DAAM1: variants seen among roughly 807,000 people sequenced by gnomAD.
The protein encoded by DAAM1 is disheveled-associated activator of morphogenesis 1.
In DAAM1, 52 loss-of-function variants were observed where a neutral mutation model predicts 130.0. The ratio of observed to expected loss-of-function variants is 0.40; its 90% confidence interval spans 0.32 to 0.50. The LOEUF (loss-of-function observed/expected upper bound fraction) is 0.50. Ranked by LOEUF, DAAM1 falls within the 20% of genes least tolerant of loss-of-function variation. The pLI is 0.61. For missense variants in DAAM1, 1,134 were observed against 1,303.8 expected (o/e 0.87, Z 2.01); for synonymous variants, 452 against 444.5 (o/e 1.02, Z -0.21).
intron 3 of DAAM1, among the ~76,000 whole-genome samples, chr14:59,312,892 A>G (rs964841879): frequency 1.3e-5 from 2 of 152,236 alleles, no homozygotes; most frequent in African/African-American, 2.4e-5. Context: ...GGAGCAAAGT[A>G]TATACAATCT....
At chr14:59,365,105 C>T (rs575127725) in intron 23 of DAAM1, among the ~76,000 whole-genome samples, 4 of 152,332 alleles carry the variant, frequency 2.6e-5, no homozygotes, top group Admixed American at 1.3e-4. Flanking sequence ...CAGCATCGCG[C>T]TTCTCTGATG....
chr14:59,291,983 C>T (rs949014963), intron 3 of DAAM1, among the ~76,000 whole-genome samples: 1 of 152,162 alleles, frequency 6.6e-6, no homozygotes, highest in African/African-American at 2.4e-5. Context: ...CACCAAAGCT[C>T]TTCTTATTCC....
intron 1 of DAAM1, among the ~76,000 whole-genome samples, chr14:59,210,996 T>C (rs1182105745): frequency 6.6e-6 from 1 of 152,246 alleles, no homozygotes; most frequent in Non-Finnish European, 1.5e-5. Flanking sequence ...CAGCATTGCC[T>C]GTACAGCACC....
chr14:59,292,977 A>G (rs1407182536), intron 3 of DAAM1, among the ~76,000 whole-genome samples: 3 of 152,240 alleles, frequency 2.0e-5, no homozygotes, highest in African/African-American at 4.8e-5. Context: ...ATGGAATAAA[A>G]TGTGCTCAGT....
intron 1 of DAAM1, among the ~76,000 whole-genome samples, chr14:59,199,181 A>G (rs1016008627): frequency 1.3e-5 from 2 of 152,110 alleles, no homozygotes; most frequent in African/African-American, 4.8e-5. Flanking sequence ...CAACTGCACA[A>G]CTCAGGAGTT....
At position 59,325,951 on chromosome 14, in the gene DAAM1, G is replaced by A. The variant is rs2139624609; in HGVS notation, c.1057-9G>A. 6.2e-7 allele frequency: 1 copy of A among 1,612,612 alleles called. No individual in the cohort carries two copies. Among genetic ancestry groups the A allele is most frequent in the Non-Finnish European group, 8.5e-7 (1 of 1,178,736 alleles). ...ATGTTTGATTTGATTTCTTTTTCCT[G>A]TGAAATAGGTTCACATAGACACAAA... On this transcript the variant is annotated splice_polypyrimidine_tract_variant and intron_variant, in intron 9 of 24. Transcript: ENST00000360909.
intron 2 of DAAM1, among the ~76,000 whole-genome samples, chr14:59,278,678 G>A (rs1159705190): frequency 1.3e-5 from 2 of 151,988 alleles, no homozygotes; most frequent in African/African-American, 2.4e-5. Context: ...AATTACAAAG[G>A]GACCTTGGGG....
intron 20 of DAAM1, among the ~76,000 whole-genome samples, chr14:59,358,670 C>CT (rs1053105731): frequency 6.6e-5 from 10 of 152,028 alleles, no homozygotes; most frequent in African/African-American, 2.4e-4. Context: ...TGGTGAAACC[C>CT]TGTCTCTACT....
intron 18 of DAAM1, among the ~76,000 whole-genome samples, chr14:59,353,270 A>C (rs764485457): frequency 3.9e-5 from 6 of 152,232 alleles, no homozygotes; most frequent in Non-Finnish European, 7.3e-5. Flanking sequence ...GAGAAGGACC[A>C]GTGGTCCTGA....
chr14:59,361,319 G>A (rs1886696961), intron 22 of DAAM1, among the ~76,000 whole-genome samples: 1 of 152,124 alleles, frequency 6.6e-6, no homozygotes, highest in Admixed American at 6.6e-5. Flanking sequence ...TCTAGCTGAG[G>A]GTCACGATGA....
rs141321630 is a variant in DAAM1 at position 59,193,258 on chromosome 14, G to A, written c.-38+4490G>A. ...ACTTAGCAAGTGTACTGTCTTTTAT[G>A]TAGATTATATTATTTAGAGTGGCTG... On this transcript the variant is annotated intron_variant, in intron 1 of 24. Coordinates refer to ENST00000360909, the MANE Select transcript of DAAM1 (RefSeq NM_001270520.2). 4.3e-4 allele frequency among the ~76,000 whole-genome samples: 65 copies of A among 152,308 alleles called. 1 individual carries two copies. The highest frequency in any genetic ancestry group is 1.5e-3 in the African/African-American group (62 of 41,560).
At chr14:59,192,792 G>A (rs1212625498) in intron 1 of DAAM1, among the ~76,000 whole-genome samples, 3 of 152,248 alleles carry the variant, frequency 2.0e-5, no homozygotes, top group African/African-American at 4.8e-5. Context: ...GGTGGCTCAA[G>A]CCTGTAATCC....
intron 1 of DAAM1, among the ~76,000 whole-genome samples, chr14:59,206,731 T>C (rs1380326610): frequency 6.6e-6 from 1 of 152,218 alleles, no homozygotes; most frequent in Non-Finnish European, 1.5e-5. Context: ...GTAAGAAATA[T>C]TGGAAATCAA....
chr14:59,216,917 G>GT (rs10707767), intron 1 of DAAM1, among the ~76,000 whole-genome samples: 6,785 of 150,240 alleles, frequency 0.045, 500 homozygotes, highest in African/African-American at 0.16. Context: ...TGTCTATATA[G>GT]TTTTTTTTTT....
chr14:59,292,384 C>T (rs1421529813), intron 3 of DAAM1, among the ~76,000 whole-genome samples: 1 of 152,216 alleles, frequency 6.6e-6, no homozygotes, highest in Non-Finnish European at 1.5e-5. Flanking sequence ...CATCTCTCAG[C>T]ACATCTGCCC....
chr14:59,296,017 A>G (rs1417649476), intron 3 of DAAM1, among the ~76,000 whole-genome samples: 1 of 152,232 alleles, frequency 6.6e-6, no homozygotes. Context: ...CTTCAGAAGT[A>G]CCTGGTTTAG....
chr14:59,299,229 A>T (rs1260060625), intron 3 of DAAM1, among the ~76,000 whole-genome samples: 3 of 152,224 alleles, frequency 2.0e-5, no homozygotes, highest in Non-Finnish European at 4.4e-5. Context: ...TTCTAAGATA[A>T]ATAGAAGCCA....
At chr14:59,191,839 G>C (rs758403989) in intron 1 of DAAM1, among the ~76,000 whole-genome samples, 2 of 152,138 alleles carry the variant, frequency 1.3e-5, no homozygotes, top group Non-Finnish European at 2.9e-5. Context: ...TCTCCCAGAA[G>C]AGCTGGGAGA....
At chr14:59,362,179 G>C (rs1319536294) in intron 22 of DAAM1, 3 of 151,924 alleles carry the variant, frequency 2.0e-5, no homozygotes, top group Admixed American at 6.6e-5. Context: ...GCAAGGCCTG[G>C]GGTGGAGGCT....
Sources: allele counts gnomAD v4.1 joint callset (sites outside exome capture counted in the v4.1 genomes callset), GRCh38; gene constraint gnomAD v4.1.1; transcripts MANE v1.5; gene names NCBI Gene and HGNC (gene_info 2026-07-23, HGNC 2026-07-21).